Variants in MRPL50 observed in about 807,000 individuals in gnomAD.
MRPL50 encodes the protein large ribosomal subunit protein mL50.
MRPL50 carries 10 observed loss-of-function variants against 16.2 expected under a neutral mutation model. The ratio of observed to expected loss-of-function variants is 0.62; its 90% CI spans 0.38 to 1.05. MRPL50 has a LOEUF of 1.05. Ranked by LOEUF, MRPL50 falls within the 50% of genes least tolerant of loss-of-function variation. The probability of loss-of-function intolerance (pLI) is 0.01; values close to 1 mark genes in which losing one functional copy is unlikely to be tolerated. For synonymous variants in MRPL50, 68 were observed against 66.8 expected, an observed-to-expected ratio of 1.02 and a Z score of -0.09; for missense variants, 213 against 187.1, an observed-to-expected ratio of 1.14 and a Z score of -0.81.
rs1564061286 is a variant in MRPL50 at position 101,387,794 on chromosome 9, TTTTTATGTAGCA to T, written c.*2660_*2671del. 2.9e-4 allele frequency: 44 copies of T among 151,936 alleles called. No homozygotes were observed. The highest frequency in any genetic ancestry group is 1.1e-3 in the African/African-American group (44 of 41,430). 9.4% of individuals were successfully genotyped at this position (151,936 alleles called of 1,614,324 possible). On this transcript the variant is annotated 3_prime_UTR_variant, in exon 2 of 2. Coordinates refer to ENST00000374865, the MANE Select transcript of MRPL50 (RefSeq NM_019051.3). ...AAGTAAAATTAGTTAACTGATACCC[TTTTTATGTAGCA>T]ATCATTAAATTTTTAAAAATGTAAA...
At chr9:101,391,689 A>G (rs754869701) in intron 1 of MRPL50, among the ~76,000 whole-genome samples, 3 of 152,076 alleles carry the variant, frequency 2.0e-5, no homozygotes, top group Non-Finnish European at 2.9e-5. Flanking sequence ...ACATAACACA[A>G]ATATTAATAG....
At chr9:101,398,421 G>A (rs900750860) in intron 1 of MRPL50, 80 bp downstream of exon 1, 3 of 1,360,538 alleles carry the variant, frequency 2.2e-6, no homozygotes, top group Non-Finnish European at 3.1e-6. Flanking sequence ...CCACGATGGC[G>A]TAACACTCTA....
At chr9:101,391,553 A>G (rs1377729508) in intron 1 of MRPL50, among the ~76,000 whole-genome samples, 2 of 152,152 alleles carry the variant, frequency 1.3e-5, no homozygotes, top group Non-Finnish European at 2.9e-5. Context: ...ATATCAGATA[A>G]AATAAATTTC....
chr9:101,390,750 C>A lies in MRPL50; in HGVS notation c.193G>T (p.Asp65Tyr). 6.2e-7 allele frequency: 1 copy of A among 1,613,664 alleles called. No individual in the cohort carries two copies. Among genetic ancestry groups the A allele is most frequent in the South Asian group, 1.1e-5 (1 of 91,072 alleles). Reference protein sequence around the residue: ...LRSRAYTPPEDLQSRLESYVK... With the variant: ...LRSRAYTPPEYLQSRLESYVK... ...TAAGATTCCAAACGACTCTGGAGAT[C>A]TTCAGGTGGTGTGTATGCTCGGCTT... Residue 65 changes from aspartate (D) to tyrosine (Y), a missense_variant, in exon 2 of 2, where the codon GAT (aspartate) becomes TAT (tyrosine). Coordinates refer to ENST00000374865, the MANE Select transcript of MRPL50 (RefSeq NM_019051.3).
intron 1 of MRPL50, among the ~76,000 whole-genome samples, 184 bp downstream of exon 1, chr9:101,398,317 G>A (rs1830393695): frequency 6.6e-6 from 1 of 152,188 alleles, no homozygotes; most frequent in Non-Finnish European, 1.5e-5. Context: ...CTAAGGCCGA[G>A]AGTGGAAGAG....
At chr9:101,397,491 T>C (rs35472309) in intron 1 of MRPL50, among the ~76,000 whole-genome samples, 25 of 152,268 alleles carry the variant, frequency 1.6e-4, no homozygotes, top group African/African-American at 5.3e-4. Context: ...CATTACACAT[T>C]TGTTCATTTC....
chr9:101,395,809 T>C (rs370969402), intron 1 of MRPL50, among the ~76,000 whole-genome samples: 28 of 151,588 alleles, frequency 1.8e-4, no homozygotes, highest in African/African-American at 6.5e-4. Context: ...TGGTTAGAAA[T>C]ACAGTTAAAA....
intron 1 of MRPL50, among the ~76,000 whole-genome samples, chr9:101,392,468 T>C (rs1246291770): frequency 6.6e-6 from 1 of 151,926 alleles, no homozygotes; most frequent in Non-Finnish European, 1.5e-5. Context: ...ATTACACTGA[T>C]ATCACAAAAA....
chr9:101,393,526 G>A (rs544550232), intron 1 of MRPL50, among the ~76,000 whole-genome samples: 1 of 151,746 alleles, frequency 6.6e-6, no homozygotes, highest in African/African-American at 2.4e-5. Flanking sequence ...GTTGATATAT[G>A]ATCTTGTATT....
intron 1 of MRPL50, among the ~76,000 whole-genome samples, chr9:101,394,471 A>G (rs561649492): frequency 1.3e-5 from 2 of 152,250 alleles, no homozygotes; most frequent in South Asian, 4.1e-4. Context: ...TAACCCAACC[A>G]ATCAACACTC....
At chr9:101,391,347 A>T (rs1051765424) in intron 1 of MRPL50, among the ~76,000 whole-genome samples, 18 of 152,080 alleles carry the variant, frequency 1.2e-4, no homozygotes, top group Non-Finnish European at 4.4e-5. Flanking sequence ...CTCTTCCAAG[A>T]TGCTTTACCT....
intron 1 of MRPL50, among the ~76,000 whole-genome samples, chr9:101,397,058 A>G (rs1175940827): frequency 2.0e-5 from 3 of 152,234 alleles, no homozygotes; most frequent in African/African-American, 7.2e-5. Flanking sequence ...TGTAGAATGA[A>G]TAAGTTCCAG....
At chr9:101,393,034 G>GC (rs1473623329) in intron 1 of MRPL50, among the ~76,000 whole-genome samples, 3 of 152,234 alleles carry the variant, frequency 2.0e-5, no homozygotes, top group Admixed American at 6.5e-5. Context: ...ATCCCAGAAT[G>GC]CAAGAATGGT....
At chr9:101,396,636 TA>T (rs1175244361) in intron 1 of MRPL50, among the ~76,000 whole-genome samples, 1 of 152,136 alleles carries the variant, frequency 6.6e-6, no homozygotes, top group Non-Finnish European at 1.5e-5. Flanking sequence ...ATCTCACTTA[TA>T]TGTAGTATCT....
intron 1 of MRPL50, among the ~76,000 whole-genome samples, chr9:101,393,191 G>A (rs1830295109): frequency 1.3e-5 from 2 of 152,048 alleles, no homozygotes; most frequent in African/African-American, 4.8e-5. Context: ...ACTGGATACT[G>A]AAGGAACATA....
In MRPL50 at chr9:101,388,149, C is replaced by T. The variant is rs187928235; in HGVS notation, c.*2317G>A. On this transcript the variant is annotated 3_prime_UTR_variant, in exon 2 of 2. Coordinates refer to ENST00000374865, the MANE Select transcript of MRPL50 (RefSeq NM_019051.3). ...GCATGCAGAAGCTCAGGACCTACTC[C>T]AGACTTACCAAATCAGAATTTGCAT... is the stretch of plus-strand genomic sequence containing the variant. The T allele has an allele frequency of 3.3e-5, 5 of 152,194 alleles. No homozygotes were observed. The highest frequency in any genetic ancestry group is 2.6e-4 in the Admixed American group (4 of 15,270). The allele number at this position is 152,194 out of a possible 1,614,324, so 9.4% of individuals were successfully genotyped here. A position where few individuals can be genotyped will look rare whatever the true frequency, so the allele number is the denominator to read the frequency against.
chr9:101,391,165 C>T (rs1364086820), intron 1 of MRPL50, among the ~76,000 whole-genome samples: 4 of 152,020 alleles, frequency 2.6e-5, no homozygotes, highest in African/African-American at 7.2e-5. Context: ...CTGGTCTTAC[C>T]TTTCACTGAT....
intron 1 of MRPL50, among the ~76,000 whole-genome samples, chr9:101,394,615 A>G (rs1450706355): frequency 1.3e-5 from 2 of 152,130 alleles, no homozygotes; most frequent in African/African-American, 2.4e-5. Flanking sequence ...CTCTTTCTCC[A>G]TTGCAATTCC....
In MRPL50 at chr9:101,389,462, A is replaced by T; in HGVS notation, c.*1004T>A. On this transcript the variant is annotated 3_prime_UTR_variant, in exon 2 of 2. Transcript: ENST00000374865. ...TTCCAGAATTTATATTCCCAACTGA[A>T]TTTTGCCCTCTTCAAAGGAGTAACC... 1 of 1,287,700 alleles carries T rather than the reference A, an allele frequency of 7.8e-7. No individual in the cohort carries two copies. Among genetic ancestry groups the T allele is most frequent in the Non-Finnish European group, 1.0e-6 (1 of 987,580 alleles). The allele number at this position is 1,287,700 out of a possible 1,614,324, so 79.8% of individuals were successfully genotyped here.
Sources: allele counts gnomAD v4.1 joint callset (sites outside exome capture counted in the v4.1 genomes callset), GRCh38; gene constraint gnomAD v4.1.1; transcripts MANE v1.5; gene names NCBI Gene and HGNC (gene_info 2026-07-23, HGNC 2026-07-21).